Variants in ANGPT2 observed in about 807,000 individuals in gnomAD.
The protein encoded by ANGPT2 is angiopoietin 2.
A neutral mutation model predicts 62.9 loss-of-function variants in ANGPT2; 28 were observed. The observed-to-expected ratio is 0.44, with a 90% CI of 0.33 to 0.61. The LOEUF (loss-of-function observed/expected upper bound fraction) is 0.61, where lower values mean the gene tolerates loss of function less well. Among genes scored for constraint, ANGPT2 ranks in the 20% least tolerant of loss-of-function variants. The pLI, the probability that ANGPT2 is intolerant of heterozygous loss-of-function variation, is 0.03. For synonymous variants in ANGPT2, 284 were observed against 207.8 expected (o/e 1.37, Z -3.15); for missense variants, 727 against 594.9 (o/e 1.22, Z -2.31).
intron 1 of ANGPT2, among the ~76,000 whole-genome samples, chr8:6,561,402 C>G (rs1157017856): frequency 1.3e-5 from 2 of 152,166 alleles, no homozygotes; most frequent in Admixed American, 1.3e-4. Flanking sequence ...GCTCATGACT[C>G]AAATAATAAC....
Position 6,500,022 on chromosome 8 carries a change from T to A in ANGPT2, c.*3079A>T. ...AGGGTGGACTTAAGTTTTTATCCAG[T>A]CAAGCACAATTATGCCCATAATTAA... is the stretch of plus-strand genomic sequence containing the variant. On this transcript the variant is annotated 3_prime_UTR_variant, in exon 9 of 9. Coordinates refer to ENST00000629816, the MANE Select transcript of ANGPT2 (RefSeq NM_001118887.2). The A allele has an allele frequency of 9.6e-7, 1 of 1,045,790 alleles. No individual in the cohort carries two copies. The highest frequency in any genetic ancestry group is 1.3e-5 in the South Asian group (1 of 78,618). The allele number at this position is 1,045,790 out of a possible 1,614,324, so 64.8% of individuals were successfully genotyped here.
chr8:6,544,162 A>T (rs920022916), intron 1 of ANGPT2, among the ~76,000 whole-genome samples: 7 of 152,246 alleles, frequency 4.6e-5, no homozygotes, highest in Non-Finnish European at 8.8e-5. Context: ...TTTGGTAGGA[A>T]GTGTAACAAG....
At chr8:6,543,872 G>A (rs1325037276) in intron 1 of ANGPT2, among the ~76,000 whole-genome samples, 1 of 152,140 alleles carries the variant, frequency 6.6e-6, no homozygotes, top group Non-Finnish European at 1.5e-5. Context: ...ATCTGCCTGG[G>A]CTTTGCAGAA....
chr8:6,509,990 G>A (rs185157317), intron 7 of ANGPT2, among the ~76,000 whole-genome samples: 9 of 152,256 alleles, frequency 5.9e-5, no homozygotes, highest in South Asian at 4.1e-4. Flanking sequence ...ATCCCAAAGT[G>A]TAGTTTCTGC....
intron 1 of ANGPT2, among the ~76,000 whole-genome samples, chr8:6,559,203 A>G (rs1403947030): frequency 2.0e-5 from 3 of 148,074 alleles, no homozygotes; most frequent in African/African-American, 7.5e-5. Flanking sequence ...ATATACAGCT[A>G]TTGAGTGTTT....
At chr8:6,532,200 T>C in intron 2 of ANGPT2, 132 bp downstream of exon 2, 1 of 1,068,704 alleles carries the variant, frequency 9.4e-7, no homozygotes, top group South Asian at 1.5e-5. Context: ...TAATTTCTTA[T>C]CAATTCATTC....
chr8:6,519,979 G>T lies in ANGPT2; in HGVS notation c.812C>A (p.Thr271Asn). ...MMSTSNSKDP[T>N]VAKEEQISFR... ...GCTGATTTGTTCTTCTTTAGCAACA[G>T]TGGGGTCCTTAGCTGCTTTTAAAAA... is the stretch of plus-strand genomic sequence containing the variant. The change falls in exon 5 of 9, where the codon ACT becomes AAT. Residue 271 changes from threonine (T) to asparagine (N), a missense_variant. Physicochemically the swap from Thr to Asn is moderately conservative, Grantham distance 65. Coordinates refer to ENST00000629816, the MANE Select transcript of ANGPT2 (RefSeq NM_001118887.2). 1 of 1,614,048 alleles carries T rather than the reference G, an allele frequency of 6.2e-7. No individual in the cohort carries two copies. The highest frequency in any genetic ancestry group is 8.5e-7 in the Non-Finnish European group (1 of 1,179,942).
At chr8:6,507,951 A>T (rs945453391) in intron 8 of ANGPT2, 4 of 152,034 alleles carry the variant, frequency 2.6e-5, no homozygotes, top group Admixed American at 2.0e-4. Flanking sequence ...ATACCAACCC[A>T]TCTGTTTTAA....
intron 1 of ANGPT2, among the ~76,000 whole-genome samples, chr8:6,534,376 G>C (rs1039334112): frequency 6.6e-6 from 1 of 152,108 alleles, no homozygotes; most frequent in Non-Finnish European, 1.5e-5. Flanking sequence ...CTGTTTTACG[G>C]AAGAGGCTTG....
chr8:6,529,171 G>A (rs1425440620), intron 2 of ANGPT2, among the ~76,000 whole-genome samples: 1 of 152,160 alleles, frequency 6.6e-6, no homozygotes, highest in Non-Finnish European at 1.5e-5. Flanking sequence ...TCAAACCGCT[G>A]GACCAGCCTG....
At chr8:6,520,524 C>T (rs1187943345) in intron 4 of ANGPT2, among the ~76,000 whole-genome samples, 2 of 152,010 alleles carry the variant, frequency 1.3e-5, no homozygotes, top group African/African-American at 2.4e-5. Flanking sequence ...GCCTCCCAAG[C>T]AGCTGGGATT....
At chr8:6,529,816 A>G (rs573444449) in intron 2 of ANGPT2, among the ~76,000 whole-genome samples, 4 of 151,578 alleles carry the variant, frequency 2.6e-5, no homozygotes, top group Admixed American at 2.0e-4. Context: ...AAAACTGCTT[A>G]CTTTCCATCT....
intron 3 of ANGPT2, among the ~76,000 whole-genome samples, chr8:6,526,867 A>C (rs1419741596): frequency 6.6e-6 from 1 of 152,072 alleles, no homozygotes; most frequent in East Asian, 1.9e-4. Flanking sequence ...AACAGTCCCC[A>C]CCTATCCCCT....
At chr8:6,510,643 G>A (rs569637902) in intron 7 of ANGPT2, among the ~76,000 whole-genome samples, 1 of 152,280 alleles carries the variant, frequency 6.6e-6, no homozygotes, top group South Asian at 2.1e-4. Context: ...CTTGTCCGAG[G>A]TCAGACTCTT....
At chr8:6,503,660 C>T (rs1224516076) in intron 8 of ANGPT2, among the ~76,000 whole-genome samples, 3 of 152,214 alleles carry the variant, frequency 2.0e-5, no homozygotes, top group Non-Finnish European at 4.4e-5. Context: ...GCTGGACTCG[C>T]TCAGGCTCCC....
At chr8:6,548,115 G>A (rs1822939959) in intron 1 of ANGPT2, among the ~76,000 whole-genome samples, 2 of 152,142 alleles carry the variant, frequency 1.3e-5, no homozygotes, top group Admixed American at 6.5e-5. Flanking sequence ...AGTTTTGGCT[G>A]CTCTTTGGGA....
intron 1 of ANGPT2, among the ~76,000 whole-genome samples, chr8:6,542,563 A>G (rs1214559089): frequency 6.6e-6 from 1 of 151,200 alleles, no homozygotes; most frequent in African/African-American, 2.4e-5. Context: ...CCCATCCCGC[A>G]CTCTCATCGC....
intron 5 of ANGPT2, 48 bp downstream of exon 5, chr8:6,519,816 T>G (rs939495421): frequency 6.3e-7 from 1 of 1,599,358 alleles, no homozygotes; most frequent in Non-Finnish European, 8.5e-7. Context: ...CTCACTAAAG[T>G]GGCCTGCCTA....
intron 1 of ANGPT2, among the ~76,000 whole-genome samples, chr8:6,537,221 A>T (rs1820661561): frequency 6.6e-6 from 1 of 152,090 alleles, no homozygotes; most frequent in African/African-American, 2.4e-5. Context: ...TCTGAAGAGG[A>T]TTATTCCATG....
Sources: gnomAD v4.1 joint callset for allele counts (sites outside exome capture counted in the v4.1 genomes callset) on GRCh38, gnomAD v4.1.1 for gene constraint, MANE v1.5 for transcripts, NCBI Gene and HGNC (gene_info 2026-07-23, HGNC 2026-07-21) for gene names.